Variants in WDR27 observed in about 807,000 individuals in gnomAD.
The protein encoded by WDR27 is WD repeat domain 27, also known as WD repeat-containing protein 27.
WDR27 carries 100 observed loss-of-function variants against 114.4 expected under a neutral mutation model. That is an observed-to-expected ratio of 0.87 (90% CI 0.74 to 1.03). The LOEUF (loss-of-function observed/expected upper bound fraction) is 1.03. Among genes scored for constraint, WDR27 ranks in the 50% least tolerant of loss-of-function variants. WDR27 has a pLI of 0.00. For missense variants in WDR27, 1,129 were observed against 1,092.9 expected, an observed-to-expected ratio of 1.03 and a Z score of -0.47; for synonymous variants, 449 against 423.1, an observed-to-expected ratio of 1.06 and a Z score of -0.75.
rs913389319 is a variant in WDR27 at position 169,641,853 on chromosome 6, G to A, written c.1747+1844C>T. The stretch of plus-strand genomic sequence containing the variant: ...AGCTCCAGGGCGCGTCACAGATGAC[G>A]CAGCTCTCCCGCGCAGCGCGCTCAG... On this transcript the variant is annotated intron_variant, in intron 17 of 25. Transcript: ENST00000448612. 1.1e-4 allele frequency among the ~76,000 whole-genome samples: 17 copies of A among 152,362 alleles called. No homozygotes were observed. In the East Asian group the frequency reaches 2.7e-3, roughly 24 times the overall value.
chr6:169,654,900 C>T (rs1420338903), intron 13 of WDR27, among the ~76,000 whole-genome samples: 2 of 152,150 alleles, frequency 1.3e-5, no homozygotes, highest in Admixed American at 6.5e-5. Context: ...TGTTCTTTTG[C>T]GGGTGTTTCT....
At chr6:169,573,167 A>G (rs2128129488) in intron 24 of WDR27, among the ~76,000 whole-genome samples, 1 of 151,314 alleles carries the variant, frequency 6.6e-6, no homozygotes, top group Non-Finnish European at 1.5e-5. Flanking sequence ...TTTCACTGAA[A>G]CTCTCCGAGA....
intron 2 of WDR27, among the ~76,000 whole-genome samples, chr6:169,683,712 C>A (rs544027149): frequency 6.6e-6 from 1 of 152,130 alleles, no homozygotes; most frequent in Non-Finnish European, 1.5e-5. Context: ...ATCTGCCCAG[C>A]GTCAGATGGG....
chr6:169,665,638 CT>C, intron 6 of WDR27, 82 bp from the exon 7 acceptor site: 1 of 1,257,450 alleles, frequency 8.0e-7, no homozygotes, highest in Non-Finnish European at 1.1e-6. Context: ...TTACTTATCT[CT>C]TTACACGTAA....
At chr6:169,429,402 C>T in the WDR27 span, among the ~76,000 whole-genome samples, 511 of 150,820 alleles carry the variant, frequency 3.4e-3, 3 homozygotes, top group Non-Finnish European at 4.6e-3. Flanking sequence ...CCACACTCTT[C>T]ATCTCATGTC....
Position 169,672,486 on chromosome 6 carries a change from A to G in WDR27, c.190-90T>C, listed in dbSNP as rs148281899. ...AACTTCAAACCTAAGAAATTAAAAG[A>G]TTGAGTTTTTCAAATACATTTATCT... is the stretch of plus-strand genomic sequence containing the variant. On this transcript the variant is annotated intron_variant, in intron 2 of 25. Transcript: ENST00000448612. 1.1e-4 allele frequency: 138 copies of G among 1,308,052 alleles called. No individual in the cohort carries two copies. The African/African-American group carries it at 1.9e-3, about 18-fold the overall frequency. 81.0% of individuals were successfully genotyped at this position (1,308,052 alleles called of 1,614,324 possible). A position where few individuals can be genotyped will look rare whatever the true frequency, so the allele number is the denominator to read the frequency against.
At chr6:169,490,130 A>G (rs992925755) in intron 25 of WDR27, among the ~76,000 whole-genome samples, 5 of 152,222 alleles carry the variant, frequency 3.3e-5, no homozygotes, top group Non-Finnish European at 7.3e-5. Flanking sequence ...GGTCCACGGC[A>G]TATTTCTTCA....
intron 21 of WDR27, among the ~76,000 whole-genome samples, chr6:169,629,167 TTAGC>T (rs1815654592): frequency 6.6e-6 from 1 of 152,248 alleles, no homozygotes; most frequent in African/African-American, 2.4e-5. Context: ...AGAAAATTGG[TTAGC>T]TAAAGTTAAA....
At chr6:169,474,550 G>A (rs1445801859) in intron 25 of WDR27, among the ~76,000 whole-genome samples, 2 of 152,150 alleles carry the variant, frequency 1.3e-5, no homozygotes, top group Non-Finnish European at 2.9e-5. Context: ...GAGAGAATTA[G>A]TGAATTGGAA....
intron 25 of WDR27, among the ~76,000 whole-genome samples, chr6:169,495,376 A>G (rs1256308552): frequency 6.6e-6 from 1 of 152,136 alleles, no homozygotes; most frequent in Non-Finnish European, 1.5e-5. Flanking sequence ...ACCTAACTTT[A>G]CAACTTAAGG....
chr6:169,549,318 A>G (rs1221727725), intron 25 of WDR27, among the ~76,000 whole-genome samples: 1 of 150,864 alleles, frequency 6.6e-6, no homozygotes, highest in Non-Finnish European at 1.5e-5. Context: ...TTAAACAACA[A>G]TGAGATTATT....
At chr6:169,608,269 T>A (rs1475128353) in intron 22 of WDR27, among the ~76,000 whole-genome samples, 2 of 152,120 alleles carry the variant, frequency 1.3e-5, no homozygotes, top group African/African-American at 4.8e-5. Context: ...ACGAAGACAC[T>A]GTGTGTGTAT....
intron 2 of WDR27, among the ~76,000 whole-genome samples, chr6:169,681,794 G>A (rs1160152196): frequency 2.6e-5 from 4 of 152,120 alleles, no homozygotes; most frequent in Admixed American, 6.5e-5. Context: ...TGGCAGGCTC[G>A]CCACACTTCC....
chr6:169,691,726 A>C (rs1452711402), intron 1 of WDR27, among the ~76,000 whole-genome samples: 1 of 152,242 alleles, frequency 6.6e-6, no homozygotes, highest in African/African-American at 2.4e-5. Flanking sequence ...AAATAATAGT[A>C]CTTGTATGCC....
chr6:169,525,145 C>T (rs983013576), intron 25 of WDR27, among the ~76,000 whole-genome samples: 3 of 152,044 alleles, frequency 2.0e-5, no homozygotes, highest in Non-Finnish European at 2.9e-5. Flanking sequence ...AGAAGACATA[C>T]AAGTAGCTAA....
chr6:169,700,110 G>A (rs1275749557), intron 1 of WDR27, among the ~76,000 whole-genome samples: 2 of 152,190 alleles, frequency 1.3e-5, no homozygotes, highest in African/African-American at 4.8e-5. Context: ...TCTGCCATGT[G>A]TCTCCCTTTT....
At chr6:169,534,153 T>C (rs1330563681) in intron 25 of WDR27, among the ~76,000 whole-genome samples, 2 of 152,244 alleles carry the variant, frequency 1.3e-5, no homozygotes, top group Non-Finnish European at 1.5e-5. Context: ...TGTGATATGA[T>C]TGTGTGGTTT....
intron 25 of WDR27, among the ~76,000 whole-genome samples, chr6:169,479,761 T>C (rs563569891): frequency 1.3e-5 from 2 of 152,268 alleles, no homozygotes; most frequent in African/African-American, 4.8e-5. Context: ...GTTTGTTACA[T>C]AGGTTAACTT....
At chr6:169,564,492 C>T (rs1016035177) in intron 25 of WDR27, among the ~76,000 whole-genome samples, 18 of 152,246 alleles carry the variant, frequency 1.2e-4, no homozygotes, top group African/African-American at 4.1e-4. Flanking sequence ...GCAGGCAACA[C>T]GAGGCTGTGA....
Sources: allele counts gnomAD v4.1 joint callset (sites outside exome capture counted in the v4.1 genomes callset), GRCh38; gene constraint gnomAD v4.1.1; transcripts MANE v1.5; gene names NCBI Gene and HGNC (gene_info 2026-07-23, HGNC 2026-07-21).